R3HDM1: variants seen among roughly 807,000 people sequenced by gnomAD.
The protein encoded by R3HDM1 is R3H domain containing 1.
Under a neutral mutation model 141.1 loss-of-function variants are expected in R3HDM1, and 46 were observed. The observed-to-expected ratio is 0.33, with a 90% CI of 0.26 to 0.42. The LOEUF (loss-of-function observed/expected upper bound fraction) is 0.42, where lower values mean the gene tolerates loss of function less well. Among genes scored for constraint, R3HDM1 ranks in the 10% least tolerant of loss-of-function variants. R3HDM1 has a pLI of 1.00. For missense variants in R3HDM1, 1,184 were observed against 1,368.3 expected, an observed-to-expected ratio of 0.87 and a Z score of 2.12; for synonymous variants, 435 against 472.9, an observed-to-expected ratio of 0.92 and a Z score of 1.04.
chr2:135,546,237 G>C (rs1002431926), intron 1 of R3HDM1, among the ~76,000 whole-genome samples: 2 of 151,834 alleles, frequency 1.3e-5, no homozygotes, highest in Non-Finnish European at 2.9e-5. Flanking sequence ...TTCTTTTTTT[G>C]GATATAGGGA....
At chr2:135,575,694 A>G (rs1389645851) in intron 1 of R3HDM1, among the ~76,000 whole-genome samples, 1 of 152,254 alleles carries the variant, frequency 6.6e-6, no homozygotes, top group Non-Finnish European at 1.5e-5. Context: ...AATAGCAACA[A>G]AGATTAAATA....
chr2:135,584,415 G>A (rs1707432203), intron 1 of R3HDM1: 1 of 939,688 alleles, frequency 1.1e-6, no homozygotes, highest in Non-Finnish European at 1.3e-6. Context: ...GCATGTTTAA[G>A]CACAGTTCCA....
intron 1 of R3HDM1, among the ~76,000 whole-genome samples, chr2:135,563,050 C>T (rs1702075784): frequency 6.6e-6 from 1 of 152,102 alleles, no homozygotes; most frequent in African/African-American, 2.4e-5. Flanking sequence ...TGTTGTTTAC[C>T]ATTTTTGGCA....
At chr2:135,614,217 A>C (rs1224153131) in intron 3 of R3HDM1, among the ~76,000 whole-genome samples, 4 of 152,232 alleles carry the variant, frequency 2.6e-5, no homozygotes, top group Admixed American at 2.6e-4. Context: ...CGTAGATTAA[A>C]AGTGAGATAA....
intron 3 of R3HDM1, among the ~76,000 whole-genome samples, chr2:135,609,315 A>AT (rs1434090770): frequency 4.6e-5 from 7 of 152,286 alleles, no homozygotes; most frequent in Admixed American, 4.6e-4. Flanking sequence ...TTTTATAGAA[A>AT]TTTTAGGATT....
chr2:135,719,776 G>A (rs536010580), intron 24 of R3HDM1, among the ~76,000 whole-genome samples: 1 of 151,860 alleles, frequency 6.6e-6, no homozygotes, highest in South Asian at 2.1e-4. Context: ...AAGTTTTTGA[G>A]CCTCATTAAA....
chr2:135,720,658 A>G (rs1428074027), intron 24 of R3HDM1, among the ~76,000 whole-genome samples: 1 of 152,208 alleles, frequency 6.6e-6, no homozygotes, highest in African/African-American at 2.4e-5. Context: ...TAAGAACTAC[A>G]CAACTTTTTC....
At chr2:135,635,828 T>C in intron 9 of R3HDM1, 62 bp from the exon 10 acceptor site, 2 of 1,515,450 alleles carry the variant, frequency 1.3e-6, no homozygotes, top group Non-Finnish European at 1.8e-6. Flanking sequence ...TATGTTTAAC[T>C]TCTTTGCTAA....
intron 18 of R3HDM1, 71 bp from the exon 19 acceptor site, chr2:135,661,197 CTG>C (rs1451163945): frequency 9.7e-6 from 15 of 1,554,110 alleles, no homozygotes; most frequent in Non-Finnish European, 1.1e-5. Context: ...TCATTAAACT[CTG>C]ATCTTCCTCA....
chr2:135,718,063 C>T (rs2105460347), intron 24 of R3HDM1, among the ~76,000 whole-genome samples: 1 of 152,142 alleles, frequency 6.6e-6, no homozygotes, highest in Admixed American at 6.5e-5. Flanking sequence ...CGGGTCACGA[C>T]GTTAACCAAA....
intron 1 of R3HDM1, among the ~76,000 whole-genome samples, chr2:135,562,170 T>C (rs1701921795): frequency 6.6e-6 from 1 of 152,224 alleles, no homozygotes; most frequent in South Asian, 2.1e-4. Context: ...ATAAATTTTC[T>C]TTCTCTATCT....
intron 21 of R3HDM1, among the ~76,000 whole-genome samples, chr2:135,694,892 C>G (rs959851512): frequency 2.0e-5 from 3 of 152,164 alleles, no homozygotes; most frequent in African/African-American, 7.2e-5. Flanking sequence ...ATCCCTGGAA[C>G]TCACCCAAGG....
intron 1 of R3HDM1, among the ~76,000 whole-genome samples, chr2:135,594,424 T>C (rs1710088221): frequency 6.6e-6 from 1 of 152,186 alleles, no homozygotes; most frequent in Admixed American, 6.5e-5. Flanking sequence ...CTCTCACTCA[T>C]TACAATGCCC....
intron 1 of R3HDM1, chr2:135,536,453 A>G (rs1479242952): frequency 7.8e-6 from 6 of 764,616 alleles, no homozygotes; most frequent in Non-Finnish European, 9.5e-6. Context: ...AGCCTATTTC[A>G]TAAATAGTGG....
At chr2:135,587,961 A>T in intron 1 of R3HDM1, among the ~76,000 whole-genome samples, 1 of 150,318 alleles carries the variant, frequency 6.7e-6, no homozygotes, top group Non-Finnish European at 1.5e-5. Context: ...ACTTTGTCTC[A>T]GTCTGTCTCC....
intron 3 of R3HDM1, 93 bp from the exon 4 acceptor site, chr2:135,616,059 C>T: frequency 2.4e-6 from 3 of 1,236,172 alleles, no homozygotes; most frequent in Non-Finnish European, 3.5e-6. Context: ...ACTTTATGCA[C>T]AGTTAGTTTT....
At chr2:135,579,936 C>G (rs11892807) in intron 1 of R3HDM1, among the ~76,000 whole-genome samples, 10,369 of 152,152 alleles carry the variant, frequency 0.068, 727 homozygotes, top group African/African-American at 0.18. Context: ...TTCTCCGAGT[C>G]TAAAATTATT....
intron 19 of R3HDM1, among the ~76,000 whole-genome samples, chr2:135,664,921 C>T (rs2067270603): frequency 6.6e-6 from 1 of 152,232 alleles, no homozygotes; most frequent in African/African-American, 2.4e-5. Context: ...CTTAAAGCCA[C>T]TGAGTTTCAG....
chr2:135,653,877 G>A (rs1468245906), intron 18 of R3HDM1, among the ~76,000 whole-genome samples: 2 of 152,162 alleles, frequency 1.3e-5, no homozygotes, highest in Non-Finnish European at 1.5e-5. Flanking sequence ...GCAGTGAGCC[G>A]AGAATTTGTG....
Sources: allele counts gnomAD v4.1 joint callset (sites outside exome capture counted in the v4.1 genomes callset), GRCh38; gene constraint gnomAD v4.1.1; transcripts MANE v1.5; gene names NCBI Gene and HGNC (gene_info 2026-07-23, HGNC 2026-07-21).